The following CECR2 variants were observed in gnomAD, a reference collection of about 807,000 sequenced individuals.
CECR2 encodes the protein CECR2 histone acetyl-lysine reader.
Under a neutral mutation model 154.5 loss-of-function variants are expected in CECR2, and 30 were observed. The ratio of observed to expected loss-of-function variants is 0.19; its 90% CI spans 0.15 to 0.26. CECR2 has a LOEUF of 0.26. Ranked by LOEUF, CECR2 falls within the 10% of genes least tolerant of loss-of-function variation. CECR2 has a pLI of 1.00. For missense variants in CECR2, 1,743 were observed against 1,829.3 expected (o/e 0.95, Z 0.86); for synonymous variants, 725 against 683.7 (o/e 1.06, Z -0.94).
At chr22:17,534,515 A>G (rs577765118) in intron 9 of CECR2, among the ~76,000 whole-genome samples, 2 of 151,530 alleles carry the variant, frequency 1.3e-5, no homozygotes, top group Non-Finnish European at 2.9e-5. Flanking sequence ...TTATTTATTT[A>G]TTTATTTTTT....
At chr22:17,477,032 A>G (rs372126992) in intron 1 of CECR2, 22 of 693,500 alleles carry the variant, frequency 3.2e-5, no homozygotes, top group Non-Finnish European at 4.6e-5. Flanking sequence ...GGATCTCGCA[A>G]TCACCTTTCA....
intron 9 of CECR2, among the ~76,000 whole-genome samples, chr22:17,525,393 G>A (rs916709450): frequency 1.3e-5 from 2 of 149,206 alleles, no homozygotes; most frequent in South Asian, 2.2e-4. Flanking sequence ...TGTAATCCCA[G>A]CACTTTGGGA....
chr22:17,522,534 G>A (rs2056176051), intron 8 of CECR2, among the ~76,000 whole-genome samples: 1 of 152,166 alleles, frequency 6.6e-6, no homozygotes, highest in South Asian at 2.1e-4. Context: ...CTGGCTATAG[G>A]ATAAAGATTT....
intron 1 of CECR2, among the ~76,000 whole-genome samples, chr22:17,461,792 CTTT>C (rs145094879): frequency 2.2e-5 from 3 of 137,168 alleles, no homozygotes; most frequent in Non-Finnish European, 1.6e-5. Context: ...GTACCCGTTA[CTTT>C]TTTTTTTTTT....
chr22:17,392,110 G>A (rs1286828464), intron 1 of CECR2, among the ~76,000 whole-genome samples: 3 of 152,036 alleles, frequency 2.0e-5, no homozygotes, highest in Non-Finnish European at 4.4e-5. Context: ...GCGTCTGGCC[G>A]AATACAAATG....
chr22:17,404,267 C>T lies in CECR2; in HGVS notation c.126+34358C>T, dbSNP rs1319110180. Among the ~76,000 whole-genome samples the T allele has an allele frequency of 4.3e-5, 5 of 116,878 alleles. 1 individual carries two copies. The highest frequency in any genetic ancestry group is 2.6e-4 in the Admixed American group (3 of 11,542). 76.7% of individuals were successfully genotyped at this position (116,878 alleles called of 152,430 possible). A position where few individuals can be genotyped will look rare whatever the true frequency, so the allele number is the denominator to read the frequency against. On this transcript the variant is annotated intron_variant, in intron 1 of 18. Coordinates refer to ENST00000262608, the MANE Select transcript of CECR2 (RefSeq NM_001290047.2). The stretch of plus-strand genomic sequence containing the variant: ...GTGCGAGACTCTGTCCCCATCCCCC[C>T]GACCCCCCTGCCAAAAAAAAAAAAA...
At chr22:17,366,832 A>C (rs2063004343), upstream of CECR2, among the ~76,000 whole-genome samples, 1 of 152,172 alleles carries the variant, frequency 6.6e-6, no homozygotes, top group Non-Finnish European at 1.5e-5. Flanking sequence ...TTTACTGTTG[A>C]TTCCAAGACA....
At chr22:17,396,995 G>C (rs778332440) in intron 1 of CECR2, among the ~76,000 whole-genome samples, 4 of 152,158 alleles carry the variant, frequency 2.6e-5, no homozygotes, top group Admixed American at 6.5e-5. Context: ...GTGTCATCCC[G>C]AGGCAGTGTT....
At chr22:17,414,203 A>G (rs1001337157) in intron 1 of CECR2, among the ~76,000 whole-genome samples, 1 of 151,560 alleles carries the variant, frequency 6.6e-6, no homozygotes, top group Non-Finnish European at 1.5e-5. Context: ...CGATCGCCTG[A>G]CCTCGTGATC....
intron 8 of CECR2, among the ~76,000 whole-genome samples, chr22:17,516,835 A>C (rs1245839969): frequency 6.6e-6 from 1 of 151,302 alleles, no homozygotes; most frequent in Non-Finnish European, 1.5e-5. Flanking sequence ...CTCAGGTGAA[A>C]TGCCCGCCTC....
chr22:17,402,946 G>A (rs1421795455), intron 1 of CECR2, among the ~76,000 whole-genome samples: 6 of 151,954 alleles, frequency 3.9e-5, no homozygotes, highest in African/African-American at 1.2e-4. Flanking sequence ...TAGTAGAGAC[G>A]GGGTTTCTCC....
chr22:17,527,363 T>C (rs1234325638), intron 9 of CECR2, among the ~76,000 whole-genome samples: 1 of 152,152 alleles, frequency 6.6e-6, no homozygotes. Context: ...GAAGCTGAGA[T>C]GGGCAGATAG....
chr22:17,427,631 C>T (rs1233640486), intron 1 of CECR2, among the ~76,000 whole-genome samples: 1 of 151,996 alleles, frequency 6.6e-6, no homozygotes. Context: ...TGAGCAGCAG[C>T]AAGATTTATT....
chr22:17,524,807 G>T, intron 9 of CECR2: 2 of 369,422 alleles, frequency 5.4e-6, no homozygotes, highest in Admixed American at 2.8e-5. Context: ...GAGTAGCTAG[G>T]ACTATAGGCG....
Position 17,548,264 on chromosome 22 carries a change from A to T in CECR2, c.2977A>T (p.Ser993Cys), listed in dbSNP as rs572491894. ...PPLQTDCTRQSSPQERETVGP... is the reference protein window; with the variant it reads ...PPLQTDCTRQCSPQERETVGP... The stretch of plus-strand genomic sequence containing the variant: ...CCTGCAGACTGACTGCACCAGGCAG[A>T]GCTCACCACAAGAAAGGGAAACAGT... Residue 993 changes from serine to cysteine, a missense_variant, in exon 17 of 19, where the codon AGC becomes TGC. Physicochemically the swap from Ser to Cys is moderately radical, Grantham distance 112. Transcript: ENST00000262608. 4.2e-5 allele frequency: 68 copies of T among 1,605,634 alleles called. No homozygotes were observed. The Admixed American group carries it at 1.1e-3, about 27-fold the overall frequency.
At chr22:17,552,553 C>T (rs906077998) in intron 18 of CECR2, among the ~76,000 whole-genome samples, 1 of 152,016 alleles carries the variant, frequency 6.6e-6, no homozygotes, top group African/African-American at 2.4e-5. Context: ...GCTTCTCTCC[C>T]ATGCAGTCTT....
chr22:17,511,330 G>C (rs2055947661), intron 7 of CECR2, among the ~76,000 whole-genome samples: 2 of 152,184 alleles, frequency 1.3e-5, no homozygotes, highest in South Asian at 4.2e-4. Context: ...TGCTCGCTGA[G>C]CCCTTTTCCC....
intron 1 of CECR2, among the ~76,000 whole-genome samples, chr22:17,444,240 C>G (rs941002925): frequency 6.6e-6 from 1 of 152,166 alleles, no homozygotes; most frequent in African/African-American, 2.4e-5. Context: ...CTGGCTAATA[C>G]AGTTCGTGTT....
At chr22:17,496,131 A>G (rs536828483) in intron 2 of CECR2, among the ~76,000 whole-genome samples, 7 of 152,238 alleles carry the variant, frequency 4.6e-5, no homozygotes, top group Admixed American at 3.9e-4. Flanking sequence ...TTTAATATAC[A>G]GACATGGGAG....
Sources: gnomAD v4.1 joint callset for allele counts (sites outside exome capture counted in the v4.1 genomes callset) on GRCh38, gnomAD v4.1.1 for gene constraint, MANE v1.5 for transcripts, NCBI Gene and HGNC (gene_info 2026-07-23, HGNC 2026-07-21) for gene names.